HS6ST3: variants seen among roughly 807,000 people sequenced by gnomAD.
HS6ST3 encodes heparan-sulfate 6-O-sulfotransferase 3.
HS6ST3 carries 12 observed loss-of-function variants against 36.7 expected under a neutral mutation model. The observed-to-expected ratio is 0.33, with a 90% confidence interval of 0.21 to 0.53. The LOEUF (loss-of-function observed/expected upper bound fraction) is 0.53, where lower values mean the gene tolerates loss of function less well. Among genes scored for constraint, HS6ST3 ranks in the 20% least tolerant of loss-of-function variants. The pLI is 0.95. For synonymous variants in HS6ST3, 240 were observed against 257.5 expected (o/e 0.93, Z 0.65); for missense variants, 584 against 640.9 (o/e 0.91, Z 0.96).
At chr13:96,677,299 G>A (rs1206491809) in intron 1 of HS6ST3, among the ~76,000 whole-genome samples, 7 of 152,006 alleles carry the variant, frequency 4.6e-5, no homozygotes, top group Non-Finnish European at 5.9e-5. Flanking sequence ...AAAAGAGCAG[G>A]CACACTAGAC....
intron 1 of HS6ST3, among the ~76,000 whole-genome samples, chr13:96,409,869 C>T (rs983496474): frequency 2.0e-5 from 3 of 151,984 alleles, no homozygotes; most frequent in African/African-American, 7.3e-5. Context: ...TCTTATGAAG[C>T]GTGGTCTTAA....
chr13:96,706,135 G>C (rs1224875281), intron 1 of HS6ST3, among the ~76,000 whole-genome samples: 1 of 151,914 alleles, frequency 6.6e-6, no homozygotes, highest in Non-Finnish European at 1.5e-5. Flanking sequence ...ACTTACAACT[G>C]TTTCTCTTAT....
chr13:96,593,360 TG>T (rs1446044383), intron 1 of HS6ST3, among the ~76,000 whole-genome samples: 2 of 151,062 alleles, frequency 1.3e-5, no homozygotes, highest in Non-Finnish European at 2.9e-5. Flanking sequence ...ATTTTTTTTT[TG>T]TTTTTCGTAT....
chr13:96,523,230 T>C (rs2056100846), intron 1 of HS6ST3, among the ~76,000 whole-genome samples: 1 of 152,214 alleles, frequency 6.6e-6, no homozygotes, highest in Non-Finnish European at 1.5e-5. Flanking sequence ...CCGAGAGGGA[T>C]CCGCTGCTAG....
At position 96,312,052 on chromosome 13, in the gene HS6ST3, T is replaced by G. The variant is rs552402576; in HGVS notation, c.707+220483T>G. On this transcript the variant is annotated intron_variant, in intron 1 of 1. Coordinates refer to ENST00000376705, the MANE Select transcript of HS6ST3 (RefSeq NM_153456.4). ...TTCCCCCTCCTGAAATCACACAGAT[T>G]CTATATTAGCTGCATAGTAACATAG... Among the ~76,000 whole-genome samples the G allele has an allele frequency of 5.9e-5, 9 of 152,296 alleles. No individual in the cohort carries two copies. The East Asian group carries it at 1.7e-3, about 29-fold the overall frequency.
In HS6ST3 at chr13:96,495,608, A is replaced by G. The variant is rs935289525; in HGVS notation, c.708-336882A>G. On this transcript the variant is annotated intron_variant, in intron 1 of 1. Transcript: ENST00000376705. ...CTAAGATTATTAAGAGCTTAATGAA[A>G]AGAGCATATTGCCTCTTTATTTAAA... Among the ~76,000 whole-genome samples, 3 of 152,180 alleles carry G rather than the reference A, an allele frequency of 2.0e-5. No homozygotes were observed. In the East Asian group the frequency reaches 5.8e-4, roughly 29 times the overall value.
intron 1 of HS6ST3, among the ~76,000 whole-genome samples, chr13:96,318,742 G>A (rs142802569): frequency 3.3e-4 from 50 of 152,030 alleles, no homozygotes; most frequent in Non-Finnish European, 5.9e-4. Context: ...CGGTTCCATT[G>A]ATCTGTGTGT....
At chr13:96,527,406 G>A (rs1012515363) in intron 1 of HS6ST3, among the ~76,000 whole-genome samples, 1 of 152,118 alleles carries the variant, frequency 6.6e-6, no homozygotes, top group Non-Finnish European at 1.5e-5. Context: ...GAACTGTGGT[G>A]GCAAATAAAA....
intron 1 of HS6ST3, among the ~76,000 whole-genome samples, chr13:96,545,149 G>C (rs991275468): frequency 6.6e-6 from 1 of 152,150 alleles, no homozygotes; most frequent in Non-Finnish European, 1.5e-5. Context: ...GGAAGTCATG[G>C]TGGGTTCTAT....
chr13:96,370,142 G>A (rs1255599866), intron 1 of HS6ST3, among the ~76,000 whole-genome samples: 1 of 152,154 alleles, frequency 6.6e-6, no homozygotes, highest in African/African-American at 2.4e-5. Flanking sequence ...CTGGTTGCCA[G>A]TCCAATAAAT....
At chr13:96,495,921 C>A (rs1271493996) in intron 1 of HS6ST3, among the ~76,000 whole-genome samples, 1 of 152,204 alleles carries the variant, frequency 6.6e-6, no homozygotes, top group East Asian at 1.9e-4. Context: ...AGCATAAGGC[C>A]CCCACGCAAG....
chr13:96,687,089 G>A (rs1440805443), intron 1 of HS6ST3, among the ~76,000 whole-genome samples: 2 of 6,396 alleles, frequency 3.1e-4, no homozygotes, highest in Non-Finnish European at 1.5e-3. Flanking sequence ...AGCAAGAAGT[G>A]CTTTTTTTTT....
At chr13:96,497,385 A>G (rs2055982572) in intron 1 of HS6ST3, among the ~76,000 whole-genome samples, 2 of 152,182 alleles carry the variant, frequency 1.3e-5, no homozygotes, top group South Asian at 2.1e-4. Flanking sequence ...ATTGTTGCAT[A>G]GTTATTACTA....
intron 1 of HS6ST3, among the ~76,000 whole-genome samples, chr13:96,404,133 C>T (rs1008590025): frequency 4.6e-5 from 7 of 152,224 alleles, no homozygotes; most frequent in Non-Finnish European, 1.0e-4. Flanking sequence ...AAAGTCCATA[C>T]GTTTTAACAC....
chr13:96,425,183 A>T (rs2055580510), intron 1 of HS6ST3, among the ~76,000 whole-genome samples: 1 of 152,214 alleles, frequency 6.6e-6, no homozygotes, highest in Non-Finnish European at 1.5e-5. Context: ...GGGAATAAGC[A>T]TGGCACCAGC....
chr13:96,780,142 A>G (rs1341158580), intron 1 of HS6ST3, among the ~76,000 whole-genome samples: 1 of 152,218 alleles, frequency 6.6e-6, no homozygotes. Context: ...GAAGTACCAA[A>G]GAAAAAAGTG....
chr13:96,575,107 T>C (rs2056315975), intron 1 of HS6ST3, among the ~76,000 whole-genome samples: 1 of 152,186 alleles, frequency 6.6e-6, no homozygotes, highest in Admixed American at 6.5e-5. Context: ...ATCAGAAGCC[T>C]TTTGGATGGA....
chr13:96,376,718 T>C (rs6491288), intron 1 of HS6ST3, among the ~76,000 whole-genome samples: 126,058 of 152,150 alleles, frequency 0.83, 52,567 homozygotes, highest in South Asian at 0.87. Flanking sequence ...CAAGAATTAT[T>C]GTGAGGGTGT....
In HS6ST3 at chr13:96,127,956, C is replaced by T. The variant is rs75803414; in HGVS notation, c.707+36387C>T. On this transcript the variant is annotated intron_variant, in intron 1 of 1. Coordinates refer to ENST00000376705, the MANE Select transcript of HS6ST3 (RefSeq NM_153456.4). ...TTTTGAAATAAGATCCCCATACCCACTGCAACAGAATCACTTAAGTATATA... is the reference window on the plus strand; with the variant it reads ...TTTTGAAATAAGATCCCCATACCCATTGCAACAGAATCACTTAAGTATATA... Among the ~76,000 whole-genome samples the T allele has an allele frequency of 8.2e-3, 1,254 of 152,284 alleles. 12 individuals are homozygous for T. Among genetic ancestry groups the T allele is most frequent in the Non-Finnish European group, 0.014 (974 of 68,022 alleles).
Sources: gnomAD v4.1 joint callset for allele counts (sites outside exome capture counted in the v4.1 genomes callset) on GRCh38, gnomAD v4.1.1 for gene constraint, MANE v1.5 for transcripts, NCBI Gene and HGNC (gene_info 2026-07-23, HGNC 2026-07-21) for gene names.